The following GMDS variants were observed in gnomAD, a reference collection of about 807,000 sequenced individuals.
GMDS encodes GDP-mannose 4,6-dehydratase, also known as GDP-mannose 4,6 dehydratase.
In GMDS, 20 loss-of-function variants were observed where a neutral mutation model predicts 49.9. The ratio of observed to expected loss-of-function variants is 0.40; its 90% CI spans 0.28 to 0.58. The LOEUF is 0.58. Among genes scored for constraint, GMDS ranks in the 20% least tolerant of loss-of-function variants. GMDS has a pLI of 0.42. For missense variants in GMDS, 362 were observed against 481.4 expected (o/e 0.75, Z 2.32); for synonymous variants, 177 against 178.6 (o/e 0.99, Z 0.07).
intron 4 of GMDS, among the ~76,000 whole-genome samples, chr6:2,089,801 C>T (rs1426926116): frequency 6.6e-6 from 1 of 152,192 alleles, no homozygotes; most frequent in African/African-American, 2.4e-5. Context: ...CTTTGGATTA[C>T]AGTATGCTTG....
intron 4 of GMDS, among the ~76,000 whole-genome samples, chr6:2,082,048 A>T (rs1047862134): frequency 6.6e-6 from 1 of 152,220 alleles, no homozygotes; most frequent in Non-Finnish European, 1.5e-5. Context: ...TTCTTACATG[A>T]TGGAACACTA....
intron 1 of GMDS, among the ~76,000 whole-genome samples, chr6:2,166,756 C>T (rs1373673964): frequency 6.6e-6 from 1 of 152,224 alleles, no homozygotes. Flanking sequence ...CAGCAGGCCT[C>T]AGTTTCTTCA....
intron 7 of GMDS, among the ~76,000 whole-genome samples, chr6:1,754,813 C>T (rs768836168): frequency 6.6e-6 from 1 of 152,100 alleles, no homozygotes; most frequent in Non-Finnish European, 1.5e-5. Context: ...AAAGGGCCTT[C>T]GATAAAAATC....
intron 7 of GMDS, among the ~76,000 whole-genome samples, chr6:1,916,340 G>A (rs1382533041): frequency 6.6e-6 from 1 of 152,070 alleles, no homozygotes; most frequent in Non-Finnish European, 1.5e-5. Context: ...ACGTGCGGGG[G>A]TGGGGGGCTG....
intron 7 of GMDS, among the ~76,000 whole-genome samples, chr6:1,886,248 C>T (rs1759600019): frequency 6.6e-6 from 1 of 152,132 alleles, no homozygotes; most frequent in South Asian, 2.1e-4. Context: ...CCTATCAAAT[C>T]ATTCTTTCTC....
In GMDS at chr6:1,757,951, G is replaced by A. The variant is rs565708862; in HGVS notation, c.772-15365C>T. The stretch of plus-strand genomic sequence containing the variant: ...ACAAAATATGATTGAGATATTTCAC[G>A]TTCCTTTTCTATGTACCAAGACTTT... On this transcript the variant is annotated intron_variant, in intron 7 of 10. Coordinates refer to ENST00000380815, the MANE Select transcript of GMDS (RefSeq NM_001500.4). Among the ~76,000 whole-genome samples the A allele has an allele frequency of 3.3e-5, 5 of 152,274 alleles. No homozygotes were observed. The South Asian group carries it at 8.3e-4, about 25-fold the overall frequency.
At chr6:1,984,378 A>G (rs928948398) in intron 4 of GMDS, among the ~76,000 whole-genome samples, 2 of 152,166 alleles carry the variant, frequency 1.3e-5, no homozygotes, top group Non-Finnish European at 2.9e-5. Flanking sequence ...CTCTGAACTT[A>G]AAATAAAAGT....
At chr6:1,846,808 A>G (rs925764667) in intron 7 of GMDS, among the ~76,000 whole-genome samples, 5 of 152,246 alleles carry the variant, frequency 3.3e-5, no homozygotes, top group African/African-American at 1.2e-4. Flanking sequence ...CAGGTATTTT[A>G]CAAACACTTA....
At position 1,933,213 on chromosome 6, in the gene GMDS, T is replaced by C. The variant is rs548622606; in HGVS notation, c.644-2983A>G. Among the ~76,000 whole-genome samples the C allele has an allele frequency of 2.6e-5, 4 of 152,360 alleles. 1 individual carries two copies. The highest frequency in any genetic ancestry group is 6.5e-5 in the Admixed American group (1 of 15,312). The stretch of plus-strand genomic sequence containing the variant: ...CCATACTGTAGCTTGAATCAGTACA[T>C]TGTTCCTTTTTTATGGCCAAATAAT... On this transcript the variant is annotated intron_variant, in intron 6 of 10. Coordinates refer to ENST00000380815, the MANE Select transcript of GMDS (RefSeq NM_001500.4).
At chr6:1,885,996 G>A (rs999859923) in intron 7 of GMDS, among the ~76,000 whole-genome samples, 9 of 152,152 alleles carry the variant, frequency 5.9e-5, no homozygotes, top group South Asian at 2.1e-4. Context: ...TGACTGAGCC[G>A]GGAATCACAG....
intron 9 of GMDS, among the ~76,000 whole-genome samples, chr6:1,712,200 G>T (rs1184248182): frequency 6.6e-6 from 1 of 152,176 alleles, no homozygotes; most frequent in African/African-American, 2.4e-5. Context: ...CTTGGTTTGA[G>T]GAATTCTTTT....
At chr6:2,105,128 G>A (rs1030730975) in intron 4 of GMDS, among the ~76,000 whole-genome samples, 3 of 145,422 alleles carry the variant, frequency 2.1e-5, no homozygotes, top group African/African-American at 5.1e-5. Context: ...CTTGCAGTGA[G>A]CGGAGATCAC....
intron 1 of GMDS, among the ~76,000 whole-genome samples, chr6:2,154,260 C>A (rs1354839813): frequency 1.3e-5 from 2 of 152,028 alleles, no homozygotes; most frequent in East Asian, 3.9e-4. Flanking sequence ...TGGCCCAGTC[C>A]ACATTTTTCT....
intron 9 of GMDS, among the ~76,000 whole-genome samples, chr6:1,723,472 A>G (rs1361129116): frequency 6.6e-6 from 1 of 151,792 alleles, no homozygotes; most frequent in Non-Finnish European, 1.5e-5. Flanking sequence ...GACTACAGGC[A>G]CCTGCCACCA....
intron 1 of GMDS, among the ~76,000 whole-genome samples, chr6:2,244,998 T>C (rs935571031): frequency 6.6e-6 from 1 of 152,130 alleles, no homozygotes; most frequent in Non-Finnish European, 1.5e-5. Flanking sequence ...AAGCACGACA[T>C]GGGCTTGGAG....
chr6:1,809,578 C>T (rs1283663095), intron 7 of GMDS, among the ~76,000 whole-genome samples: 3 of 152,066 alleles, frequency 2.0e-5, no homozygotes, highest in Admixed American at 6.6e-5. Flanking sequence ...AGTGCCTCTA[C>T]GTGGCATTTT....
At chr6:2,207,220 A>G (rs184685181) in intron 1 of GMDS, among the ~76,000 whole-genome samples, 7 of 151,544 alleles carry the variant, frequency 4.6e-5, no homozygotes, top group East Asian at 1.9e-4. Flanking sequence ...TATGTCACCA[A>G]TGAAAACTGC....
Position 1,669,655 on chromosome 6 carries a change from G to A in GMDS, c.988-45115C>T, listed in dbSNP as rs544487750. On this transcript the variant is annotated intron_variant, in intron 9 of 10. Transcript: ENST00000380815. ...CAGCTGGGTACAGTGGCTCATGCCT[G>A]TAATCCCAGCACTTTGGGAGGCTGA... is the stretch of plus-strand genomic sequence containing the variant. Among the ~76,000 whole-genome samples, 8 of 152,250 alleles carry A rather than the reference G, an allele frequency of 5.3e-5. No individual in the cohort carries two copies. In the South Asian group the frequency reaches 1.7e-3, roughly 32 times the overall value.
chr6:2,099,890 C>T (rs1271055845), intron 4 of GMDS, among the ~76,000 whole-genome samples: 2 of 151,982 alleles, frequency 1.3e-5, no homozygotes, highest in African/African-American at 2.4e-5. Flanking sequence ...TTTATTAACA[C>T]TGATGTTTTC....
Sources: allele counts gnomAD v4.1 joint callset (sites outside exome capture counted in the v4.1 genomes callset), GRCh38; gene constraint gnomAD v4.1.1; transcripts MANE v1.5; gene names NCBI Gene and HGNC (gene_info 2026-07-23, HGNC 2026-07-21).